ATXN2: variants seen among roughly 807,000 people sequenced by gnomAD.
ATXN2 encodes ataxin-2.
In ATXN2, 37 loss-of-function variants were observed where a neutral mutation model predicts 138.6. That is an observed-to-expected ratio of 0.27 (90% CI 0.21 to 0.35). ATXN2 has a LOEUF of 0.35. Among genes scored for constraint, ATXN2 ranks in the 10% least tolerant of loss-of-function variants. The pLI is 1.00. For synonymous variants in ATXN2, 549 were observed against 543.7 expected, an observed-to-expected ratio of 1.01 and a Z score of -0.13; for missense variants, 1,216 against 1,480.3, an observed-to-expected ratio of 0.82 and a Z score of 2.93.
At position 111,520,071 on chromosome 12, in the gene ATXN2, G is replaced by C. The variant is rs748759806; in HGVS notation, c.794C>G (p.Pro265Arg). The C allele has an allele frequency of 6.2e-7, 1 of 1,613,460 alleles. No homozygotes were observed. Among genetic ancestry groups the C allele is most frequent in the African/African-American group, 1.3e-5 (1 of 74,990 alleles). Residue 265 changes from proline (P) to arginine (R), a missense_variant, in exon 8 of 25, where the codon CCC (proline) becomes CGC (arginine). Transcript: ENST00000673436. ...YDSSLSSYTV[P>R]LERDNSEEFL... ...TTCTTCTGAGTTATCTCTTTCTAAG[G>C]GCACTCTGAAACATGAGGAAAAGAA...
chr12:111,491,755 T>C (rs1287621759), intron 14 of ATXN2, among the ~76,000 whole-genome samples: 1 of 152,200 alleles, frequency 6.6e-6, no homozygotes, highest in East Asian at 1.9e-4. Flanking sequence ...TGCCATGTCG[T>C]ATTGTGCCAG....
chr12:111,590,407 G>C (rs1331606980), intron 1 of ATXN2, among the ~76,000 whole-genome samples: 1 of 152,002 alleles, frequency 6.6e-6, no homozygotes, highest in Non-Finnish European at 1.5e-5. Context: ...CCTGTTAGGG[G>C]GCCGGACGCA....
chr12:111,495,973 A>G (rs750437017), intron 14 of ATXN2, among the ~76,000 whole-genome samples: 2 of 135,500 alleles, frequency 1.5e-5, no homozygotes, highest in Non-Finnish European at 3.0e-5. Flanking sequence ...GCAAAGCCCC[A>G]TCTCTACAAA....
chr12:111,568,898 C>T (rs1247417372), intron 1 of ATXN2, among the ~76,000 whole-genome samples: 1 of 152,168 alleles, frequency 6.6e-6, no homozygotes, highest in Non-Finnish European at 1.5e-5. Context: ...TCCTATACCA[C>T]GTATTGAATA....
At chr12:111,543,674 T>C (rs774995489) in intron 5 of ATXN2, among the ~76,000 whole-genome samples, 1 of 152,188 alleles carries the variant, frequency 6.6e-6, no homozygotes, top group Non-Finnish European at 1.5e-5. Context: ...CAGTACAACA[T>C]TCCATTTTTC....
intron 14 of ATXN2, among the ~76,000 whole-genome samples, chr12:111,494,356 A>G (rs1878265297): frequency 6.6e-6 from 1 of 152,064 alleles, no homozygotes; most frequent in Non-Finnish European, 1.5e-5. Flanking sequence ...TTTTGCAATC[A>G]AAGTTTCAAG....
At chr12:111,479,219 T>G (rs1877037189) in intron 18 of ATXN2, 1 of 286,348 alleles carries the variant, frequency 3.5e-6, no homozygotes, top group East Asian at 5.2e-5. Flanking sequence ...GTAAATTAAC[T>G]GTGGTATAAT....
chr12:111,587,614 C>A (rs1245733265), intron 1 of ATXN2, among the ~76,000 whole-genome samples: 1 of 151,860 alleles, frequency 6.6e-6, no homozygotes, highest in Non-Finnish European at 1.5e-5. Flanking sequence ...CATGACCATA[C>A]CACTATACTC....
chr12:111,458,515 G>C (rs1010235750), intron 21 of ATXN2: 2 of 152,198 alleles, frequency 1.3e-5, no homozygotes, highest in Non-Finnish European at 2.9e-5. Context: ...ACAGCACACC[G>C]ATGATAAAAA....
chr12:111,480,905 T>C (rs1877181231), intron 18 of ATXN2, among the ~76,000 whole-genome samples: 1 of 152,198 alleles, frequency 6.6e-6, no homozygotes, highest in African/African-American at 2.4e-5. Context: ...GGCAATGCTT[T>C]GTCTGATATG....
chr12:111,598,607 C>G lies in ATXN2; in HGVS notation c.251+177G>C. The G allele has an allele frequency of 1.0e-6, 1 of 970,026 alleles. No homozygotes were observed. The highest frequency in any genetic ancestry group is 1.2e-6 in the Non-Finnish European group (1 of 815,348). The allele number at this position is 970,026 out of a possible 1,614,324, so 60.1% of individuals were successfully genotyped here. A position where few individuals can be genotyped will look rare whatever the true frequency, so the allele number is the denominator to read the frequency against. ...ACAGGCCTGACAATCCCAGAGGACC[C>G]CGGCTGCGCCCACCGGCCGAGCCTC... On this transcript the variant is annotated intron_variant, in intron 1 of 24. Coordinates refer to ENST00000673436, the MANE Select transcript of ATXN2 (RefSeq NM_001372574.1). This position sits in a 1 kb window ranked among gnomAD's most constrained non-coding sequence, Gnocchi z 4.5.
At chr12:111,562,689 C>T (rs180853294) in intron 1 of ATXN2, among the ~76,000 whole-genome samples, 19 of 139,438 alleles carry the variant, frequency 1.4e-4, no homozygotes, top group Non-Finnish European at 2.7e-4. Context: ...CACCGCACTC[C>T]AGCCTGGGCA....
At chr12:111,547,836 ATTTTT>A (rs34988312) in intron 5 of ATXN2, among the ~76,000 whole-genome samples, 1 of 100,224 alleles carries the variant, frequency 1.0e-5, no homozygotes, top group Non-Finnish European at 1.9e-5. Context: ...TTGCTTGAGA[ATTTTT>A]TTTTTTTTTT....
chr12:111,502,878 C>T (rs186853869), intron 14 of ATXN2, among the ~76,000 whole-genome samples: 15 of 152,278 alleles, frequency 9.9e-5, no homozygotes, highest in African/African-American at 3.1e-4. Flanking sequence ...ATGCTAAACA[C>T]TTTATAGGCA....
At chr12:111,539,691 G>A (rs1881386741) in intron 5 of ATXN2, among the ~76,000 whole-genome samples, 1 of 150,034 alleles carries the variant, frequency 6.7e-6, no homozygotes, top group African/African-American at 2.4e-5. Context: ...GGAGCTTGCA[G>A]TGAGCCGAGA....
intron 1 of ATXN2, among the ~76,000 whole-genome samples, chr12:111,595,502 C>G (rs369075649): frequency 6.6e-6 from 1 of 151,572 alleles, no homozygotes; most frequent in African/African-American, 2.4e-5. Flanking sequence ...ATTAGCCAAG[C>G]GTGGTGGAAC....
intron 14 of ATXN2, among the ~76,000 whole-genome samples, chr12:111,503,066 T>C (rs1203764476): frequency 6.6e-6 from 1 of 152,178 alleles, no homozygotes; most frequent in African/African-American, 2.4e-5. Context: ...ACAGATCAAA[T>C]TACTAGCAAT....
At chr12:111,561,679 T>A (rs1336758663) in intron 1 of ATXN2, among the ~76,000 whole-genome samples, 1 of 151,734 alleles carries the variant, frequency 6.6e-6, no homozygotes, top group African/African-American at 2.4e-5. Context: ...ACTAAAACTA[T>A]AAAAATTAGC....
intron 14 of ATXN2, among the ~76,000 whole-genome samples, chr12:111,491,563 A>G (rs1397919858): frequency 6.6e-6 from 1 of 152,220 alleles, no homozygotes; most frequent in Non-Finnish European, 1.5e-5. Context: ...GTTCAGCCAC[A>G]GTAAAATAAA....
Sources: gnomAD v4.1 joint callset for allele counts (sites outside exome capture counted in the v4.1 genomes callset) on GRCh38, gnomAD v4.1.1 for gene constraint, Gnocchi (gnomAD v3.1) non-coding constraint, MANE v1.5 for transcripts, NCBI Gene and HGNC (gene_info 2026-07-23, HGNC 2026-07-21) for gene names.